Variants in GLIS3 observed in about 807,000 individuals in gnomAD.
GLIS3 encodes the protein GLIS family zinc finger 3.
GLIS3 carries 53 observed loss-of-function variants against 78.6 expected under a neutral mutation model. The ratio of observed to expected loss-of-function variants is 0.67; its 90% CI spans 0.54 to 0.85. The LOEUF (loss-of-function observed/expected upper bound fraction) is 0.85, where lower values mean the gene tolerates loss of function less well. GLIS3 is among the 40% of genes least tolerant of loss of function. The probability of loss-of-function intolerance (pLI) is 0.00; values close to 1 mark genes in which losing one functional copy is unlikely to be tolerated. For synonymous variants in GLIS3, 684 were observed against 509.9 expected, an observed-to-expected ratio of 1.34 and a Z score of -4.60; for missense variants, 1,703 against 1,231.1, an observed-to-expected ratio of 1.38 and a Z score of -5.74.
At chr9:4,260,206 G>A (rs1017970093) in intron 2 of GLIS3, among the ~76,000 whole-genome samples, 1 of 152,190 alleles carries the variant, frequency 6.6e-6, no homozygotes. Flanking sequence ...GCCGAGGCAG[G>A]CGGATCACAA....
At chr9:4,206,485 C>A (rs1022582772) in intron 2 of GLIS3, among the ~76,000 whole-genome samples, 1 of 152,266 alleles carries the variant, frequency 6.6e-6, no homozygotes, top group African/African-American at 2.4e-5. Flanking sequence ...AAAATAGAGG[C>A]GTAGCTTTAT....
intron 10 of GLIS3, 122 bp from the exon 11 acceptor site, chr9:3,828,530 G>T: frequency 2.4e-6 from 3 of 1,252,180 alleles, no homozygotes; most frequent in Non-Finnish European, 3.4e-6. Context: ...AACCATGCCA[G>T]CCTGGGCCCT....
intron 1 of GLIS3, among the ~76,000 whole-genome samples, chr9:4,287,961 A>C (rs1409059550): frequency 1.3e-5 from 2 of 152,204 alleles, no homozygotes; most frequent in African/African-American, 4.8e-5. Context: ...GAATGCCATC[A>C]GTTTGTGACA....
intron 4 of GLIS3, among the ~76,000 whole-genome samples, chr9:3,964,604 G>C (rs1376353470): frequency 2.0e-5 from 3 of 152,190 alleles, no homozygotes; most frequent in Non-Finnish European, 4.4e-5. Flanking sequence ...TTCTCCAGCA[G>C]ATGATATTTC....
At chr9:3,871,594 C>A (rs1445418535) in intron 8 of GLIS3, among the ~76,000 whole-genome samples, 1 of 152,212 alleles carries the variant, frequency 6.6e-6, no homozygotes, top group Non-Finnish European at 1.5e-5. Flanking sequence ...AGGCTTAGGG[C>A]TTGCACCATC....
At chr9:4,396,285 C>T in the GLIS3 span, among the ~76,000 whole-genome samples, 1 of 152,028 alleles carries the variant, frequency 6.6e-6, no homozygotes, top group East Asian at 1.9e-4. Flanking sequence ...GCTAAGTTTT[C>T]GTTTTTTGCA....
At chr9:3,954,814 G>C (rs1212674500) in intron 4 of GLIS3, among the ~76,000 whole-genome samples, 1 of 152,118 alleles carries the variant, frequency 6.6e-6, no homozygotes, top group Non-Finnish European at 1.5e-5. Context: ...CTCCCCGCTG[G>C]GATGGGTAAT....
At chr9:3,848,485 A>G (rs1819204594) in intron 9 of GLIS3, among the ~76,000 whole-genome samples, 2 of 152,226 alleles carry the variant, frequency 1.3e-5, no homozygotes, top group South Asian at 2.1e-4. Context: ...CTGGACGACA[A>G]GAGCGAAACT....
At chr9:4,484,268 C>T in the GLIS3 span, among the ~76,000 whole-genome samples, 2 of 146,782 alleles carry the variant, frequency 1.4e-5, no homozygotes, top group Admixed American at 6.9e-5. Flanking sequence ...GACGGAGTCT[C>T]GCTCTGTCGC....
At chr9:4,195,455 G>C (rs1818736229) in intron 2 of GLIS3, among the ~76,000 whole-genome samples, 2 of 152,218 alleles carry the variant, frequency 1.3e-5, no homozygotes, top group African/African-American at 4.8e-5. Flanking sequence ...AGCAGCTGCA[G>C]AGGGGATGCC....
At chr9:3,871,495 C>T (rs1304220135) in intron 8 of GLIS3, among the ~76,000 whole-genome samples, 2 of 152,190 alleles carry the variant, frequency 1.3e-5, no homozygotes, top group East Asian at 1.9e-4. Context: ...GGCATTTCCA[C>T]ACATCTTCTG....
chr9:4,130,966 G>C (rs550920330), intron 2 of GLIS3, among the ~76,000 whole-genome samples: 3 of 152,228 alleles, frequency 2.0e-5, no homozygotes, highest in Non-Finnish European at 4.4e-5. Context: ...AGCTGCCCAA[G>C]GCCTTAGGAG....
rs148049735 is a variant in GLIS3, at chr9:4,112,250, A to T, written c.1710+5518T>A. The stretch of plus-strand genomic sequence containing the variant: ...CAGTTGAAAGCCTTCTGCCACTACC[A>T]ATCATTCTAATATCTTATCTCGTCT... On this transcript the variant is annotated intron_variant, in intron 4 of 10. Coordinates refer to ENST00000381971, the MANE Select transcript of GLIS3 (RefSeq NM_001042413.2). Among the ~76,000 whole-genome samples, 742 of 152,304 alleles carry T rather than the reference A, an allele frequency of 4.9e-3. 7 individuals carry two copies. Among genetic ancestry groups the T allele is most frequent in the African/African-American group, 0.017 (709 of 41,574 alleles).
chr9:4,361,996 G>A, the GLIS3 span, among the ~76,000 whole-genome samples: 2 of 152,290 alleles, frequency 1.3e-5, no homozygotes, highest in Non-Finnish European at 2.9e-5. Flanking sequence ...AAATTCCAAC[G>A]ATTAATTGAT....
At chr9:4,005,884 G>A (rs960147164) in intron 4 of GLIS3, among the ~76,000 whole-genome samples, 3 of 152,156 alleles carry the variant, frequency 2.0e-5, no homozygotes, top group African/African-American at 7.2e-5. Context: ...GGGTTCTCTG[G>A]AGATTTCCTT....
chr9:4,186,706 T>A (rs1026300270), intron 2 of GLIS3, among the ~76,000 whole-genome samples: 3,362 of 152,064 alleles, frequency 0.022, 129 homozygotes, highest in African/African-American at 0.077. Flanking sequence ...TGGTGTGAGA[T>A]GGTATCTCAT....
the GLIS3 span, among the ~76,000 whole-genome samples, chr9:4,389,862 C>T: frequency 6.6e-6 from 1 of 152,182 alleles, no homozygotes; most frequent in Non-Finnish European, 1.5e-5. Flanking sequence ...TTGGTTTATC[C>T]TGCCAGGCAG....
chr9:4,347,352 T>G (rs1817909432), intron 1 of GLIS3, among the ~76,000 whole-genome samples: 1 of 152,022 alleles, frequency 6.6e-6, no homozygotes, highest in Admixed American at 6.5e-5. Context: ...CACCTCTCAT[T>G]AGGCTCCACC....
intron 4 of GLIS3, among the ~76,000 whole-genome samples, chr9:4,112,036 T>A (rs1030632549): frequency 1.3e-5 from 2 of 152,204 alleles, no homozygotes; most frequent in African/African-American, 4.8e-5. Context: ...AAGTCTGCAT[T>A]GTGTTTGGAA....
Sources: gnomAD v4.1 joint callset for allele counts (sites outside exome capture counted in the v4.1 genomes callset) on GRCh38, gnomAD v4.1.1 for gene constraint, MANE v1.5 for transcripts, NCBI Gene and HGNC (gene_info 2026-07-23, HGNC 2026-07-21) for gene names.